HNF4A: variants seen among roughly 807,000 people sequenced by gnomAD.
HNF4A encodes the protein hepatocyte nuclear factor 4-alpha.
HNF4A carries 15 observed loss-of-function variants against 52.4 expected under a neutral mutation model. That is an observed-to-expected ratio of 0.29 (90% confidence interval 0.19 to 0.44). HNF4A has a LOEUF of 0.44. HNF4A is among the 20% of genes least tolerant of loss of function. HNF4A has a pLI of 1.00. For missense variants in HNF4A, 479 were observed against 647.2 expected (o/e 0.74, Z 2.82); for synonymous variants, 280 against 264.4 (o/e 1.06, Z -0.57).
At chr20:44,378,041 A>G (rs991201627) in intron 1 of HNF4A, among the ~76,000 whole-genome samples, 4 of 152,144 alleles carry the variant, frequency 2.6e-5, no homozygotes, top group Non-Finnish European at 4.4e-5. Flanking sequence ...TTGCTCTACA[A>G]CCTCATCAGC....
intron 1 of HNF4A, among the ~76,000 whole-genome samples, chr20:44,402,028 C>T (rs2063416934): frequency 6.6e-6 from 1 of 152,198 alleles, no homozygotes; most frequent in Non-Finnish European, 1.5e-5. Context: ...ACGAAGCCAA[C>T]TCAGCACTGT....
chr20:44,409,612 C>A (rs984211856), intron 3 of HNF4A, among the ~76,000 whole-genome samples: 1 of 152,106 alleles, frequency 6.6e-6, no homozygotes, highest in South Asian at 2.1e-4. Context: ...CCTGGTCCTG[C>A]GTGTGGTCAG....
intron 3 of HNF4A, among the ~76,000 whole-genome samples, chr20:44,412,056 C>T (rs577089972): frequency 8.8e-4 from 118 of 134,648 alleles, no homozygotes; most frequent in African/African-American, 3.1e-3. Context: ...GACCCCATCT[C>T]GAAAAAAAAA....
intron 1 of HNF4A, chr20:44,402,570 G>A (rs754042731): frequency 9.4e-5 from 129 of 1,365,568 alleles, no homozygotes; most frequent in South Asian, 1.1e-4. Flanking sequence ...TTGCCGCTGC[G>A]TCTCGCCAGA....
chr20:44,378,712 C>G (rs2146237642), intron 1 of HNF4A, among the ~76,000 whole-genome samples: 1 of 152,110 alleles, frequency 6.6e-6, no homozygotes, highest in African/African-American at 2.4e-5. Flanking sequence ...GGGAGGCTAA[C>G]ATGGAGAAAC....
At chr20:44,400,133 G>A (rs546636048), upstream of HNF4A, among the ~76,000 whole-genome samples, 24 of 152,166 alleles carry the variant, frequency 1.6e-4, no homozygotes, top group Non-Finnish European at 3.1e-4. Context: ...TCAGGGCCCC[G>A]TCCAAAACAA....
Position 44,429,803 on chromosome 20 carries a change from G to A in HNF4A, c.*138G>A, listed in dbSNP as rs189021164. 72 of 894,050 alleles carry A rather than the reference G, an allele frequency of 8.1e-5. No individual in the cohort carries two copies. The highest frequency in any genetic ancestry group is 6.7e-4 in the Admixed American group (30 of 45,044). The allele number at this position is 894,050 out of a possible 1,614,324, so 55.4% of individuals were successfully genotyped here. A position where few individuals can be genotyped will look rare whatever the true frequency, so the allele number is the denominator to read the frequency against. ...CAGGAATGGGAAGGATGAAGGGCCC[G>A]AGAACATGGCCTAAGGGCCACATCC... On this transcript the variant is annotated 3_prime_UTR_variant, in exon 10 of 10. Transcript: ENST00000316099.
chr20:44,414,704 CG>C lies in HNF4A; in HGVS notation c.648+46del, dbSNP rs1043172782. 3 of 1,566,752 alleles carry C rather than the reference CG, an allele frequency of 1.9e-6. No homozygotes were observed. In the Admixed American group the frequency reaches 5.7e-5, roughly 30 times the overall value. The stretch of plus-strand genomic sequence containing the variant: ...ATGGTGGGCAGTAGTGGGCAGTGGG[CG>C]GGGCAGCCAGGGGGCTGCTGGCCCA... On this transcript the variant is annotated intron_variant, in intron 5 of 9. Coordinates refer to ENST00000316099, the MANE Select transcript of HNF4A (RefSeq NM_000457.6).
chr20:44,416,119 C>T (rs1392345225), intron 5 of HNF4A, among the ~76,000 whole-genome samples: 2 of 152,294 alleles, frequency 1.3e-5, no homozygotes, highest in East Asian at 1.9e-4. Flanking sequence ...ATCATTAACA[C>T]ACCACCCCGA....
chr20:44,387,659 G>GC (rs1277628219), intron 1 of HNF4A, among the ~76,000 whole-genome samples: 4 of 90,576 alleles, frequency 4.4e-5, no homozygotes, highest in African/African-American at 1.5e-4. Flanking sequence ...GGCAGGCGGG[G>GC]GGGGGGGGAG....
At chr20:44,380,069 G>C (rs1049082881) in intron 1 of HNF4A, among the ~76,000 whole-genome samples, 4 of 151,686 alleles carry the variant, frequency 2.6e-5, no homozygotes, top group Non-Finnish European at 5.9e-5. Context: ...AGTAGATTTG[G>C]GATTTTGCCA....
intron 1 of HNF4A, among the ~76,000 whole-genome samples, chr20:44,370,192 TA>T (rs1476217907): frequency 6.6e-6 from 1 of 152,152 alleles, no homozygotes. Context: ...TGCGCCCGGC[TA>T]ATTTTTTGTA....
intron 1 of HNF4A, among the ~76,000 whole-genome samples, chr20:44,366,513 C>A (rs2062971762): frequency 6.6e-6 from 1 of 152,104 alleles, no homozygotes; most frequent in African/African-American, 2.4e-5. Context: ...CCCAGCTACT[C>A]AGGAGGCTGA....
chr20:44,355,785 C>T, exon 1 of HNF4A: 2 of 1,612,882 alleles, frequency 1.2e-6, no homozygotes, highest in Non-Finnish European at 8.5e-7. Flanking sequence ...CCCCAGCTCT[C>T]CGGCTGGGTG....
chr20:44,383,486 A>C (rs1038340626), intron 1 of HNF4A, among the ~76,000 whole-genome samples: 48 of 152,102 alleles, frequency 3.2e-4, no homozygotes, highest in African/African-American at 1.0e-3. Flanking sequence ...CTGCCTTCAA[A>C]TATTCTGACA....
chr20:44,363,147 C>T (rs773808857), intron 1 of HNF4A, among the ~76,000 whole-genome samples: 3 of 152,064 alleles, frequency 2.0e-5, no homozygotes, highest in South Asian at 2.1e-4. Flanking sequence ...TGAGCCACTG[C>T]GCCCGGCCGA....
At chr20:44,412,699 C>T (rs769586264) in intron 3 of HNF4A, among the ~76,000 whole-genome samples, 8 of 152,028 alleles carry the variant, frequency 5.3e-5, no homozygotes, top group South Asian at 2.1e-4. Context: ...GGAGAGACAG[C>T]GGGCCTGGGA....
intron 1 of HNF4A, chr20:44,384,575 G>A (rs1280549652): frequency 6.6e-6 from 1 of 152,136 alleles, no homozygotes; most frequent in African/African-American, 2.4e-5. Context: ...GTTGTGGAAC[G>A]ATTCATATCT....
intron 1 of HNF4A, among the ~76,000 whole-genome samples, chr20:44,365,332 C>A (rs1008406237): frequency 1.3e-5 from 2 of 152,004 alleles, no homozygotes; most frequent in Admixed American, 1.3e-4. Context: ...CCATGCCCAG[C>A]TAATTTTTTA....
Sources: gnomAD v4.1 joint callset for allele counts (sites outside exome capture counted in the v4.1 genomes callset) on GRCh38, gnomAD v4.1.1 for gene constraint, MANE v1.5 for transcripts, NCBI Gene and HGNC (gene_info 2026-07-23, HGNC 2026-07-21) for gene names.